Variants in FRAT1 observed in about 807,000 individuals in gnomAD.
The protein encoded by FRAT1 is proto-oncogene FRAT1.
Under a neutral mutation model 16.9 loss-of-function variants are expected in FRAT1, and 9 were observed. The ratio of observed to expected loss-of-function variants is 0.53; its 90% CI spans 0.32 to 0.93. The LOEUF (loss-of-function observed/expected upper bound fraction) is 0.93. Among genes scored for constraint, FRAT1 ranks in the 40% least tolerant of loss-of-function variants. The pLI, the probability that FRAT1 is intolerant of heterozygous loss-of-function variation, is 0.04. For synonymous variants in FRAT1, 191 were observed against 202.1 expected (o/e 0.95, Z 0.46); for missense variants, 354 against 402.8 (o/e 0.88, Z 1.04).
In FRAT1 at chr10:97,320,214, G is replaced by C. The variant is rs777171726; in HGVS notation, c.761G>C (p.Arg254Pro). 3.1e-6 allele frequency: 5 copies of C among 1,607,940 alleles called. No individual in the cohort carries two copies. Among genetic ancestry groups the C allele is most frequent in the African/African-American group, 2.7e-5 (2 of 74,718 alleles). Residue 254 changes from arginine (R) to proline (P), a missense_variant, in exon 1 of 1, where the codon CGC (arginine) becomes CCC (proline). Physicochemically the swap from Arg to Pro is moderately radical, Grantham distance 103. Coordinates refer to ENST00000371021, the MANE Select transcript of FRAT1 (RefSeq NM_005479.4). The part of the protein sequence containing the change: ...VHEPPSPRSP[R>P]AACSDPGASG... ...GAACCCCCTTCGCCTCGCAGCCCTCGCGCGGCCTGCAGTGACCCTGGCGCC... is the reference window on the plus strand; with the variant it reads ...GAACCCCCTTCGCCTCGCAGCCCTCCCGCGGCCTGCAGTGACCCTGGCGCC...
Position 97,321,142 on chromosome 10 carries a change from G to A in FRAT1, c.*849G>A, listed in dbSNP as rs892905141. The stretch of plus-strand genomic sequence containing the variant: ...CTGCCGGTGCTCGGAGAAGAGCGCA[G>A]TGTTTTGCAAGTGCTGGAGTCTCCT... On this transcript the variant is annotated 3_prime_UTR_variant, in exon 1 of 1. Transcript: ENST00000371021. The A allele has an allele frequency of 3.0e-5, 5 of 167,158 alleles. No homozygotes were observed. Among genetic ancestry groups the A allele is most frequent in the African/African-American group, 1.2e-4 (5 of 41,478 alleles). 10.4% of individuals were successfully genotyped at this position (167,158 alleles called of 1,614,324 possible).
In FRAT1 at chr10:97,320,139, C is replaced by T. The variant is rs766375731; in HGVS notation, c.686C>T (p.Ala229Val). 4 of 1,612,556 alleles carry T rather than the reference C, an allele frequency of 2.5e-6. No individual in the cohort carries two copies. The South Asian group carries it at 4.4e-5, about 18-fold the overall frequency. The change falls in exon 1 of 1, where the codon GCA (alanine) becomes GTA (valine). Residue 229 changes from alanine to valine, a missense_variant. This residue lies in a region of FRAT1 where 286 missense variants were observed against 311.0 expected (regional missense o/e 0.92). Coordinates refer to ENST00000371021, the MANE Select transcript of FRAT1 (RefSeq NM_005479.4). ...CATTCGCGACGGCTGCAGTTACGTG[C>T]AAAGCTTCCCCAACGCCCGCTCCTG... ...RLHSRRLQLR[A>V]KLPQRPLLGP...
In FRAT1 at chr10:97,321,041, G is replaced by A. The variant is rs1458519454; in HGVS notation, c.*748G>A. The A allele has an allele frequency of 6.0e-6, 1 of 167,142 alleles. No individual in the cohort carries two copies. The highest frequency in any genetic ancestry group is 2.4e-5 in the African/African-American group (1 of 41,458). 10.4% of individuals were successfully genotyped at this position (167,142 alleles called of 1,614,324 possible). On this transcript the variant is annotated 3_prime_UTR_variant, in exon 1 of 1. Coordinates refer to ENST00000371021, the MANE Select transcript of FRAT1 (RefSeq NM_005479.4). ...GCCCTGTCTAAAGTGTATTTTCAGA[G>A]CCGGCCCGCCTCTCCTCGGTTCAAG...
At position 97,319,818 on chromosome 10, in the gene FRAT1, G is replaced by C. The variant is rs1363501530; in HGVS notation, c.365G>C (p.Arg122Pro). 27 of 1,364,104 alleles carry C rather than the reference G, an allele frequency of 2.0e-5. No homozygotes were observed. The highest frequency in any genetic ancestry group is 9.3e-7 in the Non-Finnish European group (1 of 1,069,532). 84.5% of individuals were successfully genotyped at this position (1,364,104 alleles called of 1,614,324 possible). A position where few individuals can be genotyped will look rare whatever the true frequency, so the allele number is the denominator to read the frequency against. The change falls in exon 1 of 1, where the codon CGG (arginine) becomes CCG (proline). Residue 122 changes from arginine (R) to proline (P), a missense_variant. Around this residue, in one of 3 missense-constraint regions of FRAT1, gnomAD observed 286 missense variants for 311.0 expected, o/e 0.92. Coordinates refer to ENST00000371021, the MANE Select transcript of FRAT1 (RefSeq NM_005479.4). ...GCCCTGGGGGACCGCGGCCGCGTGC[G>C]GGGCCGCGCTGCGCCCTACTGCGTG... ...RCALGDRGRV[R>P]GRAAPYCVAE...
In FRAT1 at chr10:97,320,615, C is replaced by T. The variant is rs1016275063; in HGVS notation, c.*322C>T. On this transcript the variant is annotated 3_prime_UTR_variant, in exon 1 of 1. Coordinates refer to ENST00000371021, the MANE Select transcript of FRAT1 (RefSeq NM_005479.4). ...TTTCCTCGCAGCCTCTCAGTGCCCT[C>T]CAGCCCCGCGACCATGTGGCCACAA... The T allele has an allele frequency of 3.1e-6, 1 of 323,178 alleles. No individual in the cohort carries two copies. Among genetic ancestry groups the T allele is most frequent in the Non-Finnish European group, 5.9e-6 (1 of 169,014 alleles). 20.0% of individuals were successfully genotyped at this position (323,178 alleles called of 1,614,324 possible). A position where few individuals can be genotyped will look rare whatever the true frequency, so the allele number is the denominator to read the frequency against.
At position 97,320,083 on chromosome 10, in the gene FRAT1, A is replaced by G. The variant is rs1352970221; in HGVS notation, c.630A>G (p.Gly210=). 1 of 1,599,256 alleles carries G rather than the reference A, an allele frequency of 6.3e-7. No individual in the cohort carries two copies. Among genetic ancestry groups the G allele is most frequent in the East Asian group, 2.3e-5 (1 of 43,768 alleles). Residue 210 remains glycine (G), a synonymous_variant, in exon 1 of 1, where the codon GGA becomes GGG. Coordinates refer to ENST00000371021, the MANE Select transcript of FRAT1 (RefSeq NM_005479.4). The part of the protein sequence containing the change: ...HRLLQQLVLS[G]NLIKEAVRRL... ...TTCTGCAGCAGCTAGTGCTCTCTGG[A>G]AACCTCATCAAGGAGGCCGTGCGAA...
Position 97,320,557 on chromosome 10 carries a change from T to C in FRAT1, c.*264T>C. ...CGTACAAGTCAGTAGGACTCCTTAT[T>C]TGGCGTGACCCGACCTGGCCGCGGA... On this transcript the variant is annotated 3_prime_UTR_variant, in exon 1 of 1. Transcript: ENST00000371021. The C allele has an allele frequency of 1.1e-5, 5 of 443,116 alleles. No individual in the cohort carries two copies. Among genetic ancestry groups the C allele is most frequent in the Non-Finnish European group, 2.0e-5 (5 of 244,056 alleles). 27.4% of individuals were successfully genotyped at this position (443,116 alleles called of 1,614,324 possible). A position where few individuals can be genotyped will look rare whatever the true frequency, so the allele number is the denominator to read the frequency against.
chr10:97,320,419 G>T lies in FRAT1; in HGVS notation c.*126G>T. ...GAAGCGAGAGTAAAAAGCTAATGAC[G>T]AGGAACCGAAAAATCGCGAGTGTTT... On this transcript the variant is annotated 3_prime_UTR_variant, in exon 1 of 1. Transcript: ENST00000371021. 9.9e-7 allele frequency: 1 copy of T among 1,013,960 alleles called. No individual in the cohort carries two copies. The highest frequency in any genetic ancestry group is 1.9e-5 in the South Asian group (1 of 52,066). 62.8% of individuals were successfully genotyped at this position (1,013,960 alleles called of 1,614,324 possible). A position where few individuals can be genotyped will look rare whatever the true frequency, so the allele number is the denominator to read the frequency against.
rs1020239946 is a variant in FRAT1, at chr10:97,321,545, A to C, written c.*1252A>C. On this transcript the variant is annotated 3_prime_UTR_variant, in exon 1 of 1. Transcript: ENST00000371021. ...CATGCCAGCTGGCCTTTGTAAGTGC[A>C]GGAAACCGAGTAGAAAATGTGACCC... The C allele has an allele frequency of 5.3e-4, 88 of 167,234 alleles. No individual in the cohort carries two copies. Among genetic ancestry groups the C allele is most frequent in the Non-Finnish European group, 1.3e-4 (9 of 68,210 alleles). 10.4% of individuals were successfully genotyped at this position (167,234 alleles called of 1,614,324 possible).
chr10:97,319,306 C>CT lies in FRAT1; in HGVS notation c.-147dup, dbSNP rs1489687806. 1 of 1,103,022 alleles carries CT rather than the reference C, an allele frequency of 9.1e-7. No individual in the cohort carries two copies. The highest frequency in any genetic ancestry group is 1.6e-5 in the African/African-American group (1 of 61,268). The allele number at this position is 1,103,022 out of a possible 1,614,324, so 68.3% of individuals were successfully genotyped here. Reference sequence around the variant, plus strand: ...GGCTGCAGGCGCGCGGCTAGAGTGCCTGGCGGGCTCCGGCTTCCGCGTCCG... The same window carrying CT: ...GGCTGCAGGCGCGCGGCTAGAGTGCCTTGGCGGGCTCCGGCTTCCGCGTCCG... On this transcript the variant is annotated 5_prime_UTR_variant, in exon 1 of 1. Coordinates refer to ENST00000371021, the MANE Select transcript of FRAT1 (RefSeq NM_005479.4).
Position 97,320,396 on chromosome 10 carries a change from A to G in FRAT1, c.*103A>G. On this transcript the variant is annotated 3_prime_UTR_variant, in exon 1 of 1. Coordinates refer to ENST00000371021, the MANE Select transcript of FRAT1 (RefSeq NM_005479.4). ...CTGGTGGAGAACTCTGGCTTTTGGA[A>G]GCGAGAGTAAAAAGCTAATGACGAG... 1 of 1,184,910 alleles carries G rather than the reference A, an allele frequency of 8.4e-7. No individual in the cohort carries two copies. Among genetic ancestry groups the G allele is most frequent in the African/African-American group, 1.6e-5 (1 of 64,192 alleles). 73.4% of individuals were successfully genotyped at this position (1,184,910 alleles called of 1,614,324 possible).
Position 97,320,299 on chromosome 10 carries a change from C to T in FRAT1, c.*6C>T. The T allele has an allele frequency of 1.3e-6, 2 of 1,557,114 alleles. No individual in the cohort carries two copies. Among genetic ancestry groups the T allele is most frequent in the South Asian group, 2.4e-5 (2 of 84,084 alleles). On this transcript the variant is annotated 3_prime_UTR_variant, in exon 1 of 1. Coordinates refer to ENST00000371021, the MANE Select transcript of FRAT1 (RefSeq NM_005479.4). ...TTCTTGTGCCTGGCAGCTAACACGC[C>T]CGGGGTGGCCACAGCGCCAGCCTCA... is the stretch of plus-strand genomic sequence containing the variant.
rs1261211731 is a variant in FRAT1 at position 97,320,068 on chromosome 10, G to A, written c.615G>A (p.Gln205=). ...ACGACCCGCACCGGCTTCTGCAGCA[G>A]CTAGTGCTCTCTGGAAACCTCATCA... ...GDDDPHRLLQ[Q]LVLSGNLIKE... The change falls in exon 1 of 1, where the codon CAG becomes CAA. Residue 205 remains glutamine, a synonymous_variant. Transcript: ENST00000371021. 1 of 1,592,428 alleles carries A rather than the reference G, an allele frequency of 6.3e-7. No individual in the cohort carries two copies. Among genetic ancestry groups the A allele is most frequent in the East Asian group, 2.3e-5 (1 of 43,274 alleles).
Position 97,320,211 on chromosome 10 carries a change from C to T in FRAT1, c.758C>T (p.Pro253Leu), listed in dbSNP as rs769082513. 12 of 1,608,616 alleles carry T rather than the reference C, an allele frequency of 7.5e-6. No homozygotes were observed. Among genetic ancestry groups the T allele is most frequent in the Non-Finnish European group, 1.0e-5 (12 of 1,178,126 alleles). ...CATGAACCCCCTTCGCCTCGCAGCC[C>T]TCGCGCGGCCTGCAGTGACCCTGGC... ...PVHEPPSPRS[P>L]RAACSDPGAS... Residue 253 changes from proline to leucine, a missense_variant, in exon 1 of 1, where the codon CCT becomes CTT. Pro to Leu is a moderately conservative substitution (Grantham distance 98). Transcript: ENST00000371021.
Position 97,320,920 on chromosome 10 carries a change from T to C in FRAT1, c.*627T>C, listed in dbSNP as rs1437596586. Reference sequence around the variant, plus strand: ...GCAACTGTCTCTCTTCTCAGAGTGGTGGGGGAAGGCTGTACGACACGGGTG... The same window carrying C: ...GCAACTGTCTCTCTTCTCAGAGTGGCGGGGGAAGGCTGTACGACACGGGTG... On this transcript the variant is annotated 3_prime_UTR_variant, in exon 1 of 1. Coordinates refer to ENST00000371021, the MANE Select transcript of FRAT1 (RefSeq NM_005479.4). 2 of 111,206 alleles carry C rather than the reference T, an allele frequency of 1.8e-5. No individual in the cohort carries two copies. The highest frequency in any genetic ancestry group is 8.4e-5 in the African/African-American group (2 of 23,828). The allele number at this position is 111,206 out of a possible 1,614,324, so 6.9% of individuals were successfully genotyped here.
rs1050311595 is a variant in FRAT1, at chr10:97,320,054, C to T, written c.601C>T (p.Arg201Trp). 1 of 1,585,712 alleles carries T rather than the reference C, an allele frequency of 6.3e-7. No homozygotes were observed. Among genetic ancestry groups the T allele is most frequent in the Non-Finnish European group, 8.6e-7 (1 of 1,166,788 alleles). The change falls in exon 1 of 1, where the codon CGG becomes TGG. Residue 201 changes from arginine (R) to tryptophan (W), a missense_variant. Physicochemically the swap from Arg to Trp is moderately radical, Grantham distance 101. Transcript: ENST00000371021. Reference sequence around the variant, plus strand: ...CCGCACAGGCGACGACGACCCGCACCGGCTTCTGCAGCAGCTAGTGCTCTC... The same window carrying T: ...CCGCACAGGCGACGACGACCCGCACTGGCTTCTGCAGCAGCTAGTGCTCTC... ...ETRTGDDDPH[R>W]LLQQLVLSGN...
Position 97,319,292 on chromosome 10 carries a change from C to A in FRAT1, c.-162C>A, listed in dbSNP as rs947028722. The A allele has an allele frequency of 1.6e-5, 15 of 951,114 alleles. No homozygotes were observed. The African/African-American group carries it at 2.4e-4, about 15-fold the overall frequency. 58.9% of individuals were successfully genotyped at this position (951,114 alleles called of 1,614,324 possible). ...ATTCCGGCTCCCGCGGCTGCAGGCG[C>A]GCGGCTAGAGTGCCTGGCGGGCTCC... On this transcript the variant is annotated 5_prime_UTR_variant, in exon 1 of 1. Transcript: ENST00000371021.
Position 97,319,995 on chromosome 10 carries a change from G to A in FRAT1, c.542G>A (p.Arg181His). Residue 181 changes from arginine to histidine, a missense_variant, in exon 1 of 1, where the codon CGC becomes CAC. Arg to His is a conservative substitution (Grantham distance 29). This residue lies in a region of FRAT1 where 286 missense variants were observed against 311.0 expected (regional missense o/e 0.92). Coordinates refer to ENST00000371021, the MANE Select transcript of FRAT1 (RefSeq NM_005479.4). ...GWLRGAAASR[R>H]LQQRRGSQPE... ...CTCCGGGGCGCCGCCGCCTCCCGCC[G>A]CCTGCAGCAGCGACGCGGGTCCCAA... is the stretch of plus-strand genomic sequence containing the variant. 3 of 1,550,160 alleles carry A rather than the reference G, an allele frequency of 1.9e-6. No homozygotes were observed. Among genetic ancestry groups the A allele is most frequent in the Non-Finnish European group, 1.7e-6 (2 of 1,148,678 alleles).
Position 97,320,156 on chromosome 10 carries a change from C to A in FRAT1, c.703C>A (p.Pro235Thr). 6.2e-7 allele frequency: 1 copy of A among 1,612,904 alleles called. No individual in the cohort carries two copies. Among genetic ancestry groups the A allele is most frequent in the Non-Finnish European group, 8.5e-7 (1 of 1,179,628 alleles). Residue 235 changes from proline to threonine, a missense_variant, in exon 1 of 1, where the codon CCG becomes ACG. This residue lies in a region of FRAT1 where 286 missense variants were observed against 311.0 expected (regional missense o/e 0.92). Transcript: ENST00000371021. The stretch of plus-strand genomic sequence containing the variant: ...GTTACGTGCAAAGCTTCCCCAACGC[C>A]CGCTCCTGGGACCTCTGTCGGCCCC... The part of the protein sequence containing the change: ...LQLRAKLPQR[P>T]LLGPLSAPVH...
Sources: gnomAD v4.1 joint callset for allele counts on GRCh38, gnomAD v4.1.1 for gene constraint, gnomAD v4.1.1 regional missense constraint, MANE v1.5 for transcripts, NCBI Gene and HGNC (gene_info 2026-07-23, HGNC 2026-07-21) for gene names.